The following ADARB2 variants were observed in gnomAD, a reference collection of about 807,000 sequenced individuals.
ADARB2 encodes the protein adenosine deaminase RNA specific B2 (inactive).
ADARB2 carries 25 observed loss-of-function variants against 62.2 expected under a neutral mutation model. The ratio of observed to expected loss-of-function variants is 0.40; its 90% CI spans 0.29 to 0.56. ADARB2 has a LOEUF of 0.56. Among genes scored for constraint, ADARB2 ranks in the 20% least tolerant of loss-of-function variants. ADARB2 has a pLI of 0.43. For synonymous variants in ADARB2, 572 were observed against 500.8 expected (o/e 1.14, Z -1.90); for missense variants, 1,071 against 1,077.4 (o/e 0.99, Z 0.08).
chr10:1,278,024 C>T (rs1434823062), intron 3 of ADARB2, among the ~76,000 whole-genome samples: 1 of 152,046 alleles, frequency 6.6e-6, no homozygotes, highest in Non-Finnish European at 1.5e-5. Context: ...GGCTGGACCT[C>T]AGTGGCATGA....
chr10:1,532,927 G>A (rs1452333487), intron 1 of ADARB2, among the ~76,000 whole-genome samples: 1 of 152,076 alleles, frequency 6.6e-6, no homozygotes, highest in African/African-American at 2.4e-5. Context: ...CTCACCTGCG[G>A]GCATCCAGCG....
chr10:1,198,573 G>A (rs577927921), intron 8 of ADARB2, among the ~76,000 whole-genome samples: 16 of 152,386 alleles, frequency 1.0e-4, no homozygotes, highest in Admixed American at 7.2e-4. Context: ...TTCCCAATAA[G>A]CATGTAAATG....
intron 1 of ADARB2, among the ~76,000 whole-genome samples, chr10:1,381,385 T>C (rs1368805751): frequency 1.3e-5 from 2 of 152,216 alleles, no homozygotes; most frequent in African/African-American, 4.8e-5. Context: ...CATTAGGATG[T>C]TTATTAGAAA....
At chr10:1,698,427 G>C (rs199810727) in intron 1 of ADARB2, among the ~76,000 whole-genome samples, 1 of 152,182 alleles carries the variant, frequency 6.6e-6, no homozygotes, top group Admixed American at 6.5e-5. Context: ...CAGAGCATGG[G>C]GGAGAGACAT....
chr10:1,360,553 G>A (rs1176968185), intron 3 of ADARB2, among the ~76,000 whole-genome samples: 1 of 152,160 alleles, frequency 6.6e-6, no homozygotes, highest in African/African-American at 2.4e-5. Flanking sequence ...TTTTCCCCCT[G>A]AATCACATCC....
chr10:1,630,711 C>T (rs1833830972), intron 1 of ADARB2, among the ~76,000 whole-genome samples: 1 of 152,142 alleles, frequency 6.6e-6, no homozygotes, highest in African/African-American at 2.4e-5. Flanking sequence ...TGAAGGAACA[C>T]TTTGGGAGGC....
At chr10:1,198,060 A>C (rs796355157) in intron 8 of ADARB2, among the ~76,000 whole-genome samples, 51 of 152,382 alleles carry the variant, frequency 3.3e-4, no homozygotes, top group African/African-American at 1.1e-3. Context: ...CTTTTGCTGA[A>C]GGATTCAGCG....
intron 1 of ADARB2, among the ~76,000 whole-genome samples, chr10:1,433,636 G>A (rs976996773): frequency 2.6e-5 from 4 of 152,114 alleles, no homozygotes; most frequent in African/African-American, 9.7e-5. Flanking sequence ...CCAACCCTGA[G>A]CCTGAGTGTC....
chr10:1,618,892 C>A (rs1833675735), intron 1 of ADARB2, among the ~76,000 whole-genome samples: 1 of 152,208 alleles, frequency 6.6e-6, no homozygotes, highest in African/African-American at 2.4e-5. Flanking sequence ...ATTAAACCCT[C>A]TCCTCCAAAA....
intron 1 of ADARB2, among the ~76,000 whole-genome samples, chr10:1,522,376 A>G (rs1160012183): frequency 2.0e-5 from 3 of 152,342 alleles, no homozygotes; most frequent in African/African-American, 7.2e-5. Context: ...GGTGGAAGGC[A>G]GGAAAATTCG....
chr10:1,503,497 C>A (rs1003458335), intron 1 of ADARB2, among the ~76,000 whole-genome samples: 2 of 152,152 alleles, frequency 1.3e-5, no homozygotes, highest in Admixed American at 6.5e-5. Context: ...TTTCAGCCCC[C>A]CTTTTAGCAC....
intron 1 of ADARB2, among the ~76,000 whole-genome samples, chr10:1,537,847 C>T (rs1166162178): frequency 6.6e-6 from 1 of 152,114 alleles, no homozygotes; most frequent in African/African-American, 2.4e-5. Context: ...AGCATTAGGA[C>T]AAATACCTAA....
intron 4 of ADARB2, among the ~76,000 whole-genome samples, chr10:1,245,452 A>G (rs1361132277): frequency 4.6e-5 from 7 of 151,744 alleles, no homozygotes; most frequent in African/African-American, 1.5e-4. Flanking sequence ...TTGTCATTTA[A>G]CATTAGGTAT....
chr10:1,526,182 C>A (rs528859280), intron 1 of ADARB2, among the ~76,000 whole-genome samples: 33 of 151,522 alleles, frequency 2.2e-4, no homozygotes, highest in Admixed American at 2.0e-3. Flanking sequence ...TTGGAAAGGA[C>A]ACAGGTGGGA....
chr10:1,392,445 C>T (rs927321139), intron 1 of ADARB2, among the ~76,000 whole-genome samples: 2 of 152,182 alleles, frequency 1.3e-5, no homozygotes, highest in Non-Finnish European at 2.9e-5. Context: ...GAACAGAATA[C>T]AGGTATGTCT....
chr10:1,363,315 C>A lies in ADARB2; in HGVS notation c.790G>T (p.Val264Leu). The A allele has an allele frequency of 1.6e-6, 2 of 1,234,134 alleles. No individual in the cohort carries two copies. The highest frequency in any genetic ancestry group is 2.0e-6 in the Non-Finnish European group (2 of 988,358). 76.4% of individuals were successfully genotyped at this position (1,234,134 alleles called of 1,614,324 possible). A position where few individuals can be genotyped will look rare whatever the true frequency, so the allele number is the denominator to read the frequency against. ...GCGGGGGTGGCGGGGGTCGGGCCCA[C>A]CAGGTCCAGCGCGCGGCACAGCAGC... ...RRLLCRALDL[V>L]GPTPATPAAP... Residue 264 changes from valine to leucine, a missense_variant, in exon 3 of 10, where the codon GTG becomes TTG. Transcript: ENST00000381312.
At position 1,267,601 on chromosome 10, in the gene ADARB2, CCT is replaced by C. The variant is rs1251062689; in HGVS notation, c.1192+3352_1192+3353del. ...GCACGTATGGTAAAGGCACAATCTT[CCT>C]CTTTCTTTTTTTTCAATAAGAGAAA... On this transcript the variant is annotated intron_variant, in intron 4 of 9. Coordinates refer to ENST00000381312, the MANE Select transcript of ADARB2 (RefSeq NM_018702.4). Among the ~76,000 whole-genome samples the C allele has an allele frequency of 3.3e-5, 5 of 152,174 alleles. No homozygotes were observed. The East Asian group carries it at 5.8e-4, about 18-fold the overall frequency.
At chr10:1,719,783 T>C (rs879190228) in intron 1 of ADARB2, among the ~76,000 whole-genome samples, 1 of 152,210 alleles carries the variant, frequency 6.6e-6, no homozygotes, top group Non-Finnish European at 1.5e-5. Flanking sequence ...TCCACAAGCA[T>C]GTGAAAAACA....
At chr10:1,360,271 G>T (rs910882921) in intron 3 of ADARB2, among the ~76,000 whole-genome samples, 3 of 152,208 alleles carry the variant, frequency 2.0e-5, no homozygotes, top group African/African-American at 7.2e-5. Flanking sequence ...AGGTGGGCCT[G>T]CCCTTTTCCG....
Sources: gnomAD v4.1 joint callset for allele counts (sites outside exome capture counted in the v4.1 genomes callset) on GRCh38, gnomAD v4.1.1 for gene constraint, MANE v1.5 for transcripts, NCBI Gene and HGNC (gene_info 2026-07-23, HGNC 2026-07-21) for gene names.